Variants in GABRB1 observed in about 807,000 individuals in gnomAD.
GABRB1 encodes gamma-aminobutyric acid type A receptor subunit beta1.
A neutral mutation model predicts 51.6 loss-of-function variants in GABRB1; 17 were observed. The observed-to-expected ratio is 0.33, with a 90% CI of 0.23 to 0.49. The LOEUF (loss-of-function observed/expected upper bound fraction) is 0.49. Among genes scored for constraint, GABRB1 ranks in the 20% least tolerant of loss-of-function variants. The pLI is 0.99. For missense variants in GABRB1, 410 were observed against 600.6 expected (o/e 0.68, Z 3.32); for synonymous variants, 247 against 218.9 (o/e 1.13, Z -1.14).
intron 3 of GABRB1, among the ~76,000 whole-genome samples, chr4:47,139,311 AAC>A (rs887573967): frequency 1.3e-5 from 2 of 152,070 alleles, no homozygotes; most frequent in African/African-American, 4.8e-5. Context: ...GCCTCCAGAC[AAC>A]AGTTTGAATT....
At chr4:47,394,663 C>T (rs539841014) in intron 5 of GABRB1, among the ~76,000 whole-genome samples, 6 of 152,046 alleles carry the variant, frequency 3.9e-5, no homozygotes, top group Admixed American at 3.9e-4. Flanking sequence ...TTCCATCTAT[C>T]TTTATGAAAA....
intron 4 of GABRB1, among the ~76,000 whole-genome samples, chr4:47,247,169 G>A (rs1560296193): frequency 1.3e-5 from 2 of 152,056 alleles, no homozygotes; most frequent in Non-Finnish European, 1.5e-5. Context: ...TTAGATTTAA[G>A]TCCTTAATCC....
At chr4:47,216,129 C>T (rs1001853073) in intron 4 of GABRB1, among the ~76,000 whole-genome samples, 1 of 151,956 alleles carries the variant, frequency 6.6e-6, no homozygotes, top group African/African-American at 2.4e-5. Context: ...AAGAAGAGAA[C>T]TTACAACGTG....
intron 5 of GABRB1, among the ~76,000 whole-genome samples, chr4:47,328,584 G>A (rs531656621): frequency 3.6e-4 from 55 of 152,308 alleles, no homozygotes; most frequent in Admixed American, 7.2e-4. Flanking sequence ...ATACTATGCA[G>A]CCATAAAAAA....
chr4:47,353,943 C>A (rs986687485), intron 5 of GABRB1, among the ~76,000 whole-genome samples: 4 of 152,060 alleles, frequency 2.6e-5, no homozygotes, highest in Non-Finnish European at 5.9e-5. Context: ...CACACACACA[C>A]AAACACACAC....
intron 4 of GABRB1, among the ~76,000 whole-genome samples, chr4:47,172,742 A>G (rs1718495379): frequency 6.7e-6 from 1 of 148,398 alleles, no homozygotes; most frequent in Non-Finnish European, 1.5e-5. Context: ...CCCAGGTTCA[A>G]ACGAGTATCC....
chr4:47,001,952 A>G (rs1724243027), intron 1 of GABRB1, among the ~76,000 whole-genome samples: 1 of 152,242 alleles, frequency 6.6e-6, no homozygotes, highest in African/African-American at 2.4e-5. Context: ...TCTGAACTTT[A>G]TCTTACAACA....
At chr4:46,993,663 T>C (rs1295448278), upstream of GABRB1, 3 of 519,264 alleles carry the variant, frequency 5.8e-6, no homozygotes, top group Admixed American at 9.7e-5. Context: ...TATGTAGAGC[T>C]ATGTATACCG....
At chr4:47,125,180 A>G (rs938019609) in intron 3 of GABRB1, among the ~76,000 whole-genome samples, 3 of 152,160 alleles carry the variant, frequency 2.0e-5, no homozygotes, top group Non-Finnish European at 4.4e-5. Flanking sequence ...GATATATACA[A>G]AGTTTTAAAA....
At chr4:47,156,738 G>A (rs568113137) in intron 3 of GABRB1, among the ~76,000 whole-genome samples, 19 of 151,942 alleles carry the variant, frequency 1.3e-4, no homozygotes, top group Non-Finnish European at 2.5e-4. Context: ...GGGGACCGAG[G>A]GGGGGCAGAT....
At chr4:47,153,829 T>C (rs1306529952) in intron 3 of GABRB1, among the ~76,000 whole-genome samples, 1 of 152,074 alleles carries the variant, frequency 6.6e-6, no homozygotes, top group Non-Finnish European at 1.5e-5. Context: ...TGGGGCTATT[T>C]AGGATGCGAC....
intron 4 of GABRB1, among the ~76,000 whole-genome samples, chr4:47,163,211 C>T (rs1011192215): frequency 1.3e-5 from 2 of 151,910 alleles, no homozygotes; most frequent in Non-Finnish European, 1.5e-5. Flanking sequence ...TGGGCTAATA[C>T]CCCCTTACTC....
intron 4 of GABRB1, among the ~76,000 whole-genome samples, chr4:47,257,039 C>G (rs1722232183): frequency 6.6e-6 from 1 of 152,116 alleles, no homozygotes; most frequent in South Asian, 2.1e-4. Flanking sequence ...CACCTGCTTT[C>G]TACCCAAGCA....
At chr4:47,252,210 C>G (rs1446697036) in intron 4 of GABRB1, among the ~76,000 whole-genome samples, 1 of 151,894 alleles carries the variant, frequency 6.6e-6, no homozygotes, top group Non-Finnish European at 1.5e-5. Context: ...TTCCTCTACC[C>G]CTGTATTTCT....
intron 3 of GABRB1, among the ~76,000 whole-genome samples, chr4:47,097,443 T>A (rs1437352226): frequency 6.6e-6 from 1 of 152,162 alleles, no homozygotes; most frequent in African/African-American, 2.4e-5. Context: ...TGACTGCAAA[T>A]GAATTGGAAT....
chr4:47,284,232 A>G (rs768026717), intron 4 of GABRB1, among the ~76,000 whole-genome samples: 2 of 151,828 alleles, frequency 1.3e-5, no homozygotes, highest in Non-Finnish European at 2.9e-5. Context: ...TGCATGTTAG[A>G]CTTACAGCTC....
chr4:47,104,713 C>A (rs1365542028), intron 3 of GABRB1, among the ~76,000 whole-genome samples: 1 of 151,940 alleles, frequency 6.6e-6, no homozygotes, highest in Non-Finnish European at 1.5e-5. Flanking sequence ...ATCACATTTA[C>A]TAATTGTTTC....
At chr4:47,078,238 G>A (rs1314633465) in intron 3 of GABRB1, among the ~76,000 whole-genome samples, 1 of 151,654 alleles carries the variant, frequency 6.6e-6, no homozygotes, top group Non-Finnish European at 1.5e-5. Flanking sequence ...ATCTGCCTCA[G>A]CCTCCCAAAG....
In GABRB1 at chr4:47,354,984, T is replaced by TTTTTG. The variant is rs1560348563; in HGVS notation, c.544+34779_544+34780insGTTTT. Among the ~76,000 whole-genome samples, 7 of 86,376 alleles carry TTTTTG rather than the reference T, an allele frequency of 8.1e-5. 1 individual carries two copies. The highest frequency in any genetic ancestry group is 1.8e-4 in the African/African-American group (4 of 22,706). The allele number at this position is 86,376 out of a possible 152,430, so 56.7% of individuals were successfully genotyped here. ...CCTTTCTTTCTTTCTTCCTTTGTTT[T>TTTTTG]TTTTTTTTTTTTTTTTTTTTTGACA... On this transcript the variant is annotated intron_variant, in intron 5 of 8. Coordinates refer to ENST00000295454, the MANE Select transcript of GABRB1 (RefSeq NM_000812.4).
Sources: allele counts gnomAD v4.1 joint callset (sites outside exome capture counted in the v4.1 genomes callset), GRCh38; gene constraint gnomAD v4.1.1; transcripts MANE v1.5; gene names NCBI Gene and HGNC (gene_info 2026-07-23, HGNC 2026-07-21).